Variants in KDM4B observed in about 807,000 individuals in gnomAD.
KDM4B encodes lysine demethylase 4B.
In KDM4B, 32 loss-of-function variants were observed where a neutral mutation model predicts 125.2. The ratio of observed to expected loss-of-function variants is 0.26; its 90% CI spans 0.19 to 0.34. KDM4B has a LOEUF of 0.34. Among genes scored for constraint, KDM4B ranks in the 10% least tolerant of loss-of-function variants. The pLI is 1.00. For missense variants in KDM4B, 1,190 were observed against 1,577.7 expected, an observed-to-expected ratio of 0.75 and a Z score of 4.16; for synonymous variants, 721 against 677.9, an observed-to-expected ratio of 1.06 and a Z score of -0.99.
rs2036408179 is a variant in KDM4B, at chr19:5,030,197, C to T, written c.-25-2669C>T. ...TCACAGCTCACTGAAGCCTCGACCT[C>T]CCAGGCTAGAGTGATCCTCCTGCCT... On this transcript the variant is annotated intron_variant, in intron 2 of 22. Transcript: ENST00000159111. Among the ~76,000 whole-genome samples, 5 of 152,318 alleles carry T rather than the reference C, an allele frequency of 3.3e-5. 1 individual carries two copies. In the South Asian group the frequency reaches 6.2e-4, roughly 19 times the overall value.
chr19:5,061,108 G>T lies in KDM4B; in HGVS notation c.627-9902G>T, dbSNP rs190101478. Among the ~76,000 whole-genome samples, 1,190 of 152,320 alleles carry T rather than the reference G, an allele frequency of 7.8e-3. 49 individuals are homozygous for T. Among genetic ancestry groups the T allele is most frequent in the Admixed American group, 0.066 (1,005 of 15,304 alleles). ...AGTGTGACGACACCTCGTGGCCCAGGAGAGCAGGGCGGGCCACCCATGGCC... is the reference window on the plus strand; with the variant it reads ...AGTGTGACGACACCTCGTGGCCCAGTAGAGCAGGGCGGGCCACCCATGGCC... On this transcript the variant is annotated intron_variant, in intron 6 of 22. Transcript: ENST00000159111.
chr19:4,969,817 C>T (rs1231012682), intron 1 of KDM4B, among the ~76,000 whole-genome samples: 1 of 151,534 alleles, frequency 6.6e-6, no homozygotes, highest in African/African-American at 2.4e-5. Flanking sequence ...CCTGCTATGC[C>T]TTGGTAGCTT....
At chr19:5,148,426 G>A (rs79092840) in intron 21 of KDM4B, among the ~76,000 whole-genome samples, 224 of 152,322 alleles carry the variant, frequency 1.5e-3, no homozygotes, top group African/African-American at 4.6e-3. Context: ...AATCTGGGGC[G>A]GATCTCTGCA....
chr19:5,002,944 C>T (rs1599390537), intron 1 of KDM4B, among the ~76,000 whole-genome samples: 1 of 152,158 alleles, frequency 6.6e-6, no homozygotes, highest in African/African-American at 2.4e-5. Context: ...GAGCGAGACC[C>T]TGTCTCAACA....
intron 2 of KDM4B, 94 bp from the exon 3 acceptor site, chr19:5,032,772 G>C: frequency 1.6e-6 from 2 of 1,235,680 alleles, no homozygotes; most frequent in Non-Finnish European, 2.3e-6. Flanking sequence ...GGTGGCCACG[G>C]TATTTTTAGC....
rs149638592 is a variant in KDM4B, at chr19:5,092,246, G to A, written c.918+9742G>A. ...CCGTATCCTTCTCTGGGCTGGGGCCGTCCTGGGCACTGCACGGTGCTGAGC... is the reference window on the plus strand; with the variant it reads ...CCGTATCCTTCTCTGGGCTGGGGCCATCCTGGGCACTGCACGGTGCTGAGC... On this transcript the variant is annotated intron_variant, in intron 9 of 22. Transcript: ENST00000159111. 1.4e-4 allele frequency among the ~76,000 whole-genome samples: 21 copies of A among 152,288 alleles called. No homozygotes were observed. In the East Asian group the frequency reaches 2.7e-3, roughly 20 times the overall value.
intron 6 of KDM4B, among the ~76,000 whole-genome samples, chr19:5,051,228 G>C (rs1204121687): frequency 1.3e-5 from 2 of 152,242 alleles, no homozygotes; most frequent in Non-Finnish European, 2.9e-5. Flanking sequence ...GGCACTTCTG[G>C]GTCATTCGGA....
chr19:5,084,068 G>A (rs2038389933), intron 9 of KDM4B, among the ~76,000 whole-genome samples: 2 of 151,934 alleles, frequency 1.3e-5, no homozygotes, highest in South Asian at 4.1e-4. Context: ...CCAACATGGT[G>A]AAACCCTGTC....
intron 2 of KDM4B, among the ~76,000 whole-genome samples, chr19:5,028,461 G>A (rs927302201): frequency 2.0e-5 from 3 of 152,226 alleles, no homozygotes; most frequent in Admixed American, 6.5e-5. Context: ...GGGCCATGTT[G>A]TGTTGATTCA....
intron 1 of KDM4B, among the ~76,000 whole-genome samples, chr19:4,989,034 A>G (rs530731314): frequency 2.0e-4 from 30 of 152,216 alleles, no homozygotes; most frequent in Non-Finnish European, 4.1e-4. Flanking sequence ...AGGAAACAGG[A>G]CAAAATGTAT....
intron 4 of KDM4B, among the ~76,000 whole-genome samples, chr19:5,040,395 C>T (rs943617644): frequency 1.3e-5 from 2 of 152,192 alleles, no homozygotes; most frequent in East Asian, 3.9e-4. Flanking sequence ...ACAGAACACA[C>T]GAGGGCACAT....
Position 4,971,123 on chromosome 19 carries a change from T to C in KDM4B, c.-109+1893T>C, listed in dbSNP as rs926345534. Among the ~76,000 whole-genome samples the C allele has an allele frequency of 7.9e-5, 12 of 152,328 alleles. No homozygotes were observed. The highest frequency in any genetic ancestry group is 2.9e-4 in the African/African-American group (12 of 41,572). On this transcript the variant is annotated intron_variant, in intron 1 of 22. Transcript: ENST00000159111. The surrounding 1 kb of genome is among the most constrained non-coding windows in gnomAD (Gnocchi z 4.1). ...TGCTGAGACCTGAAATATATATGTC[T>C]TAGTAACAATCCGTTTGCTCGCATT...
At chr19:5,117,827 C>T (rs929970826) in intron 10 of KDM4B, among the ~76,000 whole-genome samples, 1 of 152,202 alleles carries the variant, frequency 6.6e-6, no homozygotes, top group Non-Finnish European at 1.5e-5. Context: ...TGTGTGATGC[C>T]ATGCCTCTGG....
intron 1 of KDM4B, among the ~76,000 whole-genome samples, chr19:4,978,476 C>T (rs911269341): frequency 8.3e-5 from 11 of 132,090 alleles, no homozygotes; most frequent in Admixed American, 5.0e-4. Flanking sequence ...CACTGCACTC[C>T]AGCCTGCACA....
intron 10 of KDM4B, among the ~76,000 whole-genome samples, chr19:5,116,031 C>T (rs936190029): frequency 1.1e-4 from 17 of 152,072 alleles, no homozygotes; most frequent in African/African-American, 1.7e-4. Flanking sequence ...CACAATGCAT[C>T]GCTGTGAAAT....
chr19:4,973,682 G>A (rs1568197917), intron 1 of KDM4B, among the ~76,000 whole-genome samples: 2 of 152,188 alleles, frequency 1.3e-5, no homozygotes, highest in South Asian at 4.1e-4. Context: ...GACTTGGTTA[G>A]ATCTGGGTCC....
rs1310721136 is a variant in KDM4B at position 5,035,228 on chromosome 19, C to T, written c.141+2197C>T. Reference sequence around the variant, plus strand: ...CACATAGGGCAGGTGGGACAGGCGTCGCCTCCCTTTATCCTGGCACCGCAT... The same window carrying T: ...CACATAGGGCAGGTGGGACAGGCGTTGCCTCCCTTTATCCTGGCACCGCAT... On this transcript the variant is annotated intron_variant, in intron 3 of 22. Coordinates refer to ENST00000159111, the MANE Select transcript of KDM4B (RefSeq NM_015015.3). The surrounding 1 kb of genome is among the most constrained non-coding windows in gnomAD (Gnocchi z 5.3). Among the ~76,000 whole-genome samples the T allele has an allele frequency of 2.6e-5, 4 of 152,234 alleles. No individual in the cohort carries two copies. The highest frequency in any genetic ancestry group is 2.1e-4 in the South Asian group (1 of 4,814).
In KDM4B at chr19:5,142,316, G is replaced by A. The variant is rs920189206; in HGVS notation, c.2551-1651G>A. On this transcript the variant is annotated intron_variant, in intron 18 of 22. Coordinates refer to ENST00000159111, the MANE Select transcript of KDM4B (RefSeq NM_015015.3). This position sits in a 1 kb window ranked among gnomAD's most constrained non-coding sequence, Gnocchi z 5.4. ...CTTCAAACTGCGGCTCCCAGGAAGG[G>A]AGGTGACGGCCAAGAACGCCTGCCC... Among the ~76,000 whole-genome samples the A allele has an allele frequency of 1.4e-4, 22 of 152,156 alleles. No homozygotes were observed. The highest frequency in any genetic ancestry group is 5.3e-4 in the African/African-American group (22 of 41,438).
chr19:5,065,683 C>T (rs1471367970), intron 6 of KDM4B, among the ~76,000 whole-genome samples: 6 of 152,220 alleles, frequency 3.9e-5, no homozygotes, highest in Admixed American at 6.5e-5. Flanking sequence ...TGGAGGGGAG[C>T]GCCTGCCTGC....
Sources: gnomAD v4.1 joint callset for allele counts (sites outside exome capture counted in the v4.1 genomes callset) on GRCh38, gnomAD v4.1.1 for gene constraint, Gnocchi (gnomAD v3.1) non-coding constraint, MANE v1.5 for transcripts, NCBI Gene and HGNC (gene_info 2026-07-23, HGNC 2026-07-21) for gene names.